Variants in TANGO6 observed in about 807,000 individuals in gnomAD.
TANGO6 encodes the protein transport and golgi organization 6 homolog, also known as transport and Golgi organization protein 6 homolog.
Under a neutral mutation model 114.2 loss-of-function variants are expected in TANGO6, and 90 were observed. The ratio of observed to expected loss-of-function variants is 0.79; its 90% CI spans 0.66 to 0.94. The LOEUF is 0.94. TANGO6 is among the 40% of genes least tolerant of loss of function. TANGO6 has a pLI of 0.00. For missense variants in TANGO6, 1,274 were observed against 1,315.3 expected, an observed-to-expected ratio of 0.97 and a Z score of 0.49; for synonymous variants, 477 against 509.8, an observed-to-expected ratio of 0.94 and a Z score of 0.87.
chr16:68,994,294 A>G (rs551053130), intron 15 of TANGO6, among the ~76,000 whole-genome samples: 6 of 152,306 alleles, frequency 3.9e-5, no homozygotes, highest in African/African-American at 1.4e-4. Context: ...AAGAAACAGA[A>G]AGAAAACATC....
intron 14 of TANGO6, among the ~76,000 whole-genome samples, chr16:68,970,149 G>T (rs1963688099): frequency 6.6e-6 from 1 of 152,090 alleles, no homozygotes; most frequent in Admixed American, 6.6e-5. Context: ...GAGAAAGTGG[G>T]TATAGTTAGC....
Position 68,927,725 on chromosome 16 carries a change from C to T in TANGO6, c.2285C>T (p.Ala762Val), listed in dbSNP as rs754239921. Reference sequence around the variant, plus strand: ...TTTGCCACTGAGGCCGTCAGCATGGCTGCCCAAAGTACACTGAACAGAAAA... The same window carrying T: ...TTTGCCACTGAGGCCGTCAGCATGGTTGCCCAAAGTACACTGAACAGAAAA... ...GAFATEAVSM[A>V]AQSTLNRKDL... Residue 762 changes from alanine (A) to valine (V), a missense_variant, in exon 13 of 18, where the codon GCT becomes GTT. Transcript: ENST00000261778. 6.2e-7 allele frequency: 1 copy of T among 1,613,966 alleles called. No individual in the cohort carries two copies. Among genetic ancestry groups the T allele is most frequent in the South Asian group, 1.1e-5 (1 of 91,080 alleles).
At chr16:68,914,345 A>G (rs1962969800) in intron 11 of TANGO6, among the ~76,000 whole-genome samples, 1 of 152,078 alleles carries the variant, frequency 6.6e-6, no homozygotes, top group African/African-American at 2.4e-5. Flanking sequence ...TATTTTTAGT[A>G]GAGATGGTGT....
rs776726632 is a variant in TANGO6 at position 68,947,395 on chromosome 16, G to A, written c.2701+17100G>A. Among the ~76,000 whole-genome samples the A allele has an allele frequency of 5.9e-5, 9 of 151,636 alleles. No homozygotes were observed. In the South Asian group the frequency reaches 6.3e-4, roughly 11 times the overall value. On this transcript the variant is annotated intron_variant, in intron 14 of 17. Transcript: ENST00000261778. ...CTTGAACCAGGGAGTCGAAGGTTGC[G>A]GTGAGCCAAGATTGTGCCACTGTAC...
chr16:68,958,491 A>G (rs1963557233), intron 14 of TANGO6, among the ~76,000 whole-genome samples: 3 of 146,356 alleles, frequency 2.0e-5, no homozygotes, highest in Admixed American at 2.0e-4. Flanking sequence ...CTCTGTCTCA[A>G]AAAAAAAAAA....
At chr16:69,049,339 C>T (rs1959910368) in intron 17 of TANGO6, among the ~76,000 whole-genome samples, 1 of 152,012 alleles carries the variant, frequency 6.6e-6, no homozygotes, top group Non-Finnish European at 1.5e-5. Flanking sequence ...ATGAGTCATA[C>T]AATATGTGGC....
intron 1 of TANGO6, among the ~76,000 whole-genome samples, chr16:68,851,689 T>A (rs532512668): frequency 6.6e-6 from 1 of 152,260 alleles, no homozygotes; most frequent in Admixed American, 6.5e-5. Context: ...TTCCTAAAAG[T>A]GGGATTGCTG....
At chr16:69,037,117 C>G (rs185838967) in intron 16 of TANGO6, among the ~76,000 whole-genome samples, 23 of 116,958 alleles carry the variant, frequency 2.0e-4, no homozygotes, top group African/African-American at 6.0e-4. Flanking sequence ...GCCTGGGCAA[C>G]AGAGTGAGAG....
At chr16:68,886,343 A>G (rs1260668063) in intron 7 of TANGO6, among the ~76,000 whole-genome samples, 1 of 149,404 alleles carries the variant, frequency 6.7e-6, no homozygotes, top group Non-Finnish European at 1.5e-5. Flanking sequence ...TCAGCCTCCC[A>G]TGTAGCTCGG....
intron 16 of TANGO6, among the ~76,000 whole-genome samples, chr16:69,028,372 A>G (rs1180952668): frequency 6.6e-6 from 1 of 152,172 alleles, no homozygotes; most frequent in Non-Finnish European, 1.5e-5. Context: ...GCCCACGCCT[A>G]TAATCTCAGC....
intron 17 of TANGO6, among the ~76,000 whole-genome samples, chr16:69,078,263 G>T (rs915099814): frequency 6.6e-6 from 1 of 152,214 alleles, no homozygotes; most frequent in Non-Finnish European, 1.5e-5. Flanking sequence ...TGGGGAGCTT[G>T]TTCTATGTAG....
At chr16:69,024,322 A>C (rs1486317377) in intron 16 of TANGO6, among the ~76,000 whole-genome samples, 1 of 149,430 alleles carries the variant, frequency 6.7e-6, no homozygotes, top group Admixed American at 6.7e-5. Flanking sequence ...GCTGGAGTGC[A>C]GTGGCACGAT....
At chr16:68,970,906 C>T (rs1208264530) in intron 14 of TANGO6, among the ~76,000 whole-genome samples, 1 of 152,010 alleles carries the variant, frequency 6.6e-6, no homozygotes, top group Non-Finnish European at 1.5e-5. Context: ...GCCTGTAATC[C>T]CAGCACTTTG....
At chr16:68,848,872 T>C (rs1343775193) in intron 1 of TANGO6, among the ~76,000 whole-genome samples, 2 of 152,060 alleles carry the variant, frequency 1.3e-5, no homozygotes, top group Non-Finnish European at 2.9e-5. Flanking sequence ...TCCGACTGGC[T>C]CTTGGGGTTT....
At chr16:69,065,323 A>G (rs946618880) in intron 17 of TANGO6, among the ~76,000 whole-genome samples, 3 of 152,102 alleles carry the variant, frequency 2.0e-5, no homozygotes, top group African/African-American at 7.2e-5. Context: ...GGGAGTTCTG[A>G]CCGCCTATTT....
intron 17 of TANGO6, among the ~76,000 whole-genome samples, chr16:69,055,951 A>T (rs1960026274): frequency 2.0e-5 from 3 of 152,062 alleles, no homozygotes; most frequent in Non-Finnish European, 2.9e-5. Context: ...AGGCAGGAGA[A>T]TTGCTTGAAC....
chr16:68,960,029 T>C (rs763511410), intron 14 of TANGO6, among the ~76,000 whole-genome samples: 1 of 152,216 alleles, frequency 6.6e-6, no homozygotes, highest in African/African-American at 2.4e-5. Context: ...GTACCCATTA[T>C]TTTCTTGGAT....
At chr16:69,010,594 A>G (rs1055521481) in intron 15 of TANGO6, among the ~76,000 whole-genome samples, 1 of 152,108 alleles carries the variant, frequency 6.6e-6, no homozygotes, top group African/African-American at 2.4e-5. Flanking sequence ...ACCTGAAGCA[A>G]TCTTCCTCTT....
At chr16:69,075,274 C>A (rs564004420) in intron 17 of TANGO6, among the ~76,000 whole-genome samples, 2 of 150,958 alleles carry the variant, frequency 1.3e-5, no homozygotes, top group African/African-American at 4.9e-5. Flanking sequence ...AAATTATTAG[C>A]ATGAATTTTA....
Sources: allele counts gnomAD v4.1 joint callset (sites outside exome capture counted in the v4.1 genomes callset), GRCh38; gene constraint gnomAD v4.1.1; transcripts MANE v1.5; gene names NCBI Gene and HGNC (gene_info 2026-07-23, HGNC 2026-07-21).